The following RARB variants were observed in gnomAD, a reference collection of about 807,000 sequenced individuals.
The protein encoded by RARB is retinoic acid receptor beta.
In RARB, 17 loss-of-function variants were observed where a neutral mutation model predicts 51.9. The ratio of observed to expected loss-of-function variants is 0.33; its 90% CI spans 0.22 to 0.49. The LOEUF (loss-of-function observed/expected upper bound fraction) is 0.49. RARB is among the 20% of genes least tolerant of loss of function. The pLI is 0.99. For missense variants in RARB, 369 were observed against 550.8 expected, an observed-to-expected ratio of 0.67 and a Z score of 3.30; for synonymous variants, 215 against 195.4, an observed-to-expected ratio of 1.10 and a Z score of -0.84.
intron 3 of RARB, among the ~76,000 whole-genome samples, chr3:25,098,330 T>C (rs1226667604): frequency 1.3e-5 from 2 of 151,088 alleles, no homozygotes; most frequent in African/African-American, 5.0e-5. Context: ...CCCTTAATCA[T>C]AGCTAGTTAC....
At chr3:25,483,667 C>T (rs1010336040) in intron 2 of RARB, among the ~76,000 whole-genome samples, 5 of 151,898 alleles carry the variant, frequency 3.3e-5, no homozygotes, top group African/African-American at 1.2e-4. Context: ...AAACAAAACC[C>T]AGAGATAAGA....
At chr3:25,584,312 C>T (rs2125311479) in intron 5 of RARB, among the ~76,000 whole-genome samples, 2 of 152,238 alleles carry the variant, frequency 1.3e-5, no homozygotes, top group South Asian at 4.1e-4. Flanking sequence ...GGGACACAGA[C>T]AGTAAGCAAG....
In RARB at chr3:25,163,739, C is replaced by T. The variant is rs867175895; in HGVS notation, c.-279-10380C>T. 4.2e-4 allele frequency among the ~76,000 whole-genome samples: 64 copies of T among 151,900 alleles called. 2 individuals are homozygous for T. The highest frequency in any genetic ancestry group is 2.9e-5 in the Non-Finnish European group (2 of 67,988). ...TCTCAGGCCCCACCAAGCCACTAGA[C>T]GCTGGGGAGACCAAAGTCACAGGCA... is the stretch of plus-strand genomic sequence containing the variant. On this transcript the variant is annotated intron_variant, in intron 4 of 11. Transcript: ENST00000383772.
At chr3:25,550,914 T>C (rs1364563670) in intron 3 of RARB, among the ~76,000 whole-genome samples, 1 of 152,198 alleles carries the variant, frequency 6.6e-6, no homozygotes, top group African/African-American at 2.4e-5. Flanking sequence ...GCAAAGGACA[T>C]GATCTCGTTC....
At chr3:25,267,472 T>G (rs1279915800) in intron 5 of RARB, among the ~76,000 whole-genome samples, 1 of 152,176 alleles carries the variant, frequency 6.6e-6, no homozygotes, top group Non-Finnish European at 1.5e-5. Context: ...TTTTTTAGTC[T>G]TTTCTGAGTT....
At chr3:25,568,985 G>A (rs1229430726) in intron 3 of RARB, among the ~76,000 whole-genome samples, 1 of 152,136 alleles carries the variant, frequency 6.6e-6, no homozygotes, top group East Asian at 1.9e-4. Flanking sequence ...TGTGTCCTGG[G>A]CCCTGACTTT....
rs1468415292 is a variant in RARB, at chr3:24,990,169, C to G, written c.-379-69956C>G. 4.6e-5 allele frequency among the ~76,000 whole-genome samples: 4 copies of G among 87,808 alleles called. 1 individual carries two copies. The highest frequency in any genetic ancestry group is 9.0e-5 in the Non-Finnish European group (4 of 44,414). 57.6% of individuals were successfully genotyped at this position (87,808 alleles called of 152,430 possible). ...TCACTATTGTTTATTTTCTTTTTTTCTTCTTCTTTTTTTATTATTATTATA... is the reference window on the plus strand; with the variant it reads ...TCACTATTGTTTATTTTCTTTTTTTGTTCTTCTTTTTTTATTATTATTATA... On this transcript the variant is annotated intron_variant, in intron 2 of 11. Coordinates refer to the RARB transcript ENST00000383772.
intron 7 of RARB, among the ~76,000 whole-genome samples, chr3:25,595,116 A>G (rs1193001871): frequency 1.3e-5 from 2 of 152,204 alleles, no homozygotes; most frequent in African/African-American, 2.4e-5. Flanking sequence ...TCTTCTGCAC[A>G]CTTCTAAGCA....
At chr3:25,043,026 G>C (rs907364807) in intron 2 of RARB, among the ~76,000 whole-genome samples, 3 of 152,190 alleles carry the variant, frequency 2.0e-5, no homozygotes, top group African/African-American at 7.2e-5. Flanking sequence ...TTTGTGAATT[G>C]GATGTGCCTT....
chr3:24,926,315 TAC>T (rs71622788), intron 2 of RARB, among the ~76,000 whole-genome samples: 18,616 of 151,974 alleles, frequency 0.12, 1,326 homozygotes, highest in Non-Finnish European at 0.16. Context: ...AAATATAGGG[TAC>T]CCTGTGAAAA....
rs536665234 is a variant in RARB at position 24,837,274 on chromosome 3, A to C, written c.-459+7871A>C. ...GAGATCACAGAGGTGAGTAAAGTTT[A>C]AACAGTCTTGTGTTGAATGAATATA... On this transcript the variant is annotated intron_variant, in intron 1 of 11. Coordinates refer to the RARB transcript ENST00000383772. Among the ~76,000 whole-genome samples the C allele has an allele frequency of 9.2e-5, 14 of 152,330 alleles. No homozygotes were observed. In the South Asian group the frequency reaches 2.7e-3, roughly 29 times the overall value.
At chr3:25,406,145 C>A (rs1399307422) in intron 5 of RARB, among the ~76,000 whole-genome samples, 2 of 152,192 alleles carry the variant, frequency 1.3e-5, no homozygotes, top group Non-Finnish European at 2.9e-5. Context: ...GACCAGGCAT[C>A]TGTCCATATC....
intron 2 of RARB, among the ~76,000 whole-genome samples, chr3:24,979,528 A>C (rs536953859): frequency 6.6e-6 from 1 of 151,496 alleles, no homozygotes; most frequent in South Asian, 2.1e-4. Flanking sequence ...TGTTGGTTTA[A>C]AATTTGTTTT....
chr3:25,209,244 C>T (rs908840444), intron 5 of RARB, among the ~76,000 whole-genome samples: 3 of 152,184 alleles, frequency 2.0e-5, no homozygotes, highest in African/African-American at 7.2e-5. Context: ...CAGAAGATCC[C>T]TGGGACCAGA....
chr3:24,923,648 A>G (rs1186706013), intron 2 of RARB, among the ~76,000 whole-genome samples: 1 of 152,168 alleles, frequency 6.6e-6, no homozygotes, highest in Non-Finnish European at 1.5e-5. Flanking sequence ...TGCTTAGGGC[A>G]AGGTATAAGA....
chr3:25,556,007 AT>A lies in RARB; in HGVS notation c.449-13740del, dbSNP rs35199932. On this transcript the variant is annotated intron_variant, in intron 3 of 7. Transcript: ENST00000330688. ...GTATGTTGTTTCTTGGACATCTTGT[AT>A]TTTTTTTTTTGACCCCTTAGCAGAA... 8.4e-3 allele frequency among the ~76,000 whole-genome samples: 1,247 copies of A among 149,018 alleles called. 26 individuals are homozygous for A. The highest frequency in any genetic ancestry group is 0.037 in the East Asian group (191 of 5,108).
intron 2 of RARB, among the ~76,000 whole-genome samples, chr3:24,946,805 C>T (rs1383861578): frequency 6.6e-6 from 1 of 152,122 alleles, no homozygotes; most frequent in Non-Finnish European, 1.5e-5. Flanking sequence ...GTCAAGGCTG[C>T]AGTGAGCAAT....
chr3:25,423,310 C>A (rs187788713), upstream of RARB, among the ~76,000 whole-genome samples: 1 of 152,258 alleles, frequency 6.6e-6, no homozygotes, highest in Non-Finnish European at 1.5e-5. Flanking sequence ...TAGAAACAAC[C>A]TAAATGTCTT....
At chr3:25,440,088 A>G (rs1708597923) in intron 1 of RARB, among the ~76,000 whole-genome samples, 1 of 140,006 alleles carries the variant, frequency 7.1e-6, no homozygotes, top group Non-Finnish European at 1.7e-5. Flanking sequence ...GCCTTAAATA[A>G]GACAATGTAT....
Sources: gnomAD v4.1 joint callset for allele counts (sites outside exome capture counted in the v4.1 genomes callset) on GRCh38, gnomAD v4.1.1 for gene constraint, MANE v1.5 for transcripts, NCBI Gene and HGNC (gene_info 2026-07-23, HGNC 2026-07-21) for gene names.